Variants in EPHB4 observed in about 807,000 individuals in gnomAD.
The protein encoded by EPHB4 is ephrin type-B receptor 4.
Under a neutral mutation model 110.6 loss-of-function variants are expected in EPHB4, and 50 were observed. The ratio of observed to expected loss-of-function variants is 0.45; its 90% confidence interval spans 0.36 to 0.57. The LOEUF is 0.57. EPHB4 is among the 20% of genes least tolerant of loss of function. EPHB4 has a pLI of 0.00. For missense variants in EPHB4, 1,128 were observed against 1,382.1 expected, an observed-to-expected ratio of 0.82 and a Z score of 2.91; for synonymous variants, 592 against 578.4, an observed-to-expected ratio of 1.02 and a Z score of -0.34.
chr7:100,817,720 G>A (rs1172453875), intron 7 of EPHB4, among the ~76,000 whole-genome samples: 3 of 151,848 alleles, frequency 2.0e-5, no homozygotes, highest in South Asian at 2.1e-4. Context: ...GTAGAGACGG[G>A]GATTTCACCT....
At chr7:100,817,517 T>A (rs562811936) in intron 7 of EPHB4, among the ~76,000 whole-genome samples, 160 bp from the exon 8 acceptor site, 2 of 152,212 alleles carry the variant, frequency 1.3e-5, no homozygotes, top group Admixed American at 1.3e-4. Flanking sequence ...GCTGTATTCA[T>A]AATATCATTC....
At chr7:100,812,616 G>A in intron 12 of EPHB4, 131 bp downstream of exon 12, 1 of 1,304,162 alleles carries the variant, frequency 7.7e-7, no homozygotes, top group Non-Finnish European at 1.0e-6. Flanking sequence ...GAGGACCAGG[G>A]CTTAGCCCAA....
chr7:100,818,861 A>G (rs2116448368), intron 6 of EPHB4, among the ~76,000 whole-genome samples: 1 of 151,948 alleles, frequency 6.6e-6, no homozygotes, highest in Non-Finnish European at 1.5e-5. Context: ...ATGCCTGGCT[A>G]ATTTTTTTAT....
rs200688295 is a variant in EPHB4, at chr7:100,805,216, G to A, written c.2784C>T (p.Phe928=). Residue 928 remains phenylalanine (F), a synonymous_variant, in exon 16 of 17, where the codon TTC becomes TTT. Coordinates refer to ENST00000358173, the MANE Select transcript of EPHB4 (RefSeq NM_004444.5). The part of the protein sequence containing the change: ...AIKMGRYEES[F]AAAGFGSFEL... ...CGAAGGAGCCAAAGCCAGCGGCTGCGAAACTTTCTTCGTATCTTCCCATTT... is the reference window on the plus strand; with the variant it reads ...CGAAGGAGCCAAAGCCAGCGGCTGCAAAACTTTCTTCGTATCTTCCCATTT... 72 of 1,613,264 alleles carry A rather than the reference G, an allele frequency of 4.5e-5. No homozygotes were observed. In the African/African-American group the frequency reaches 6.5e-4, roughly 15 times the overall value.
intron 12 of EPHB4, among the ~76,000 whole-genome samples, chr7:100,807,832 T>C (rs1392080990): frequency 6.6e-6 from 1 of 152,184 alleles, no homozygotes; most frequent in Non-Finnish European, 1.5e-5. Flanking sequence ...TCCCACTATG[T>C]TGCCCAGGCT....
Position 100,822,732 on chromosome 7 carries a change from G to A in EPHB4, c.412-65C>T. ...CCCTGAGGACCCAGCGGACTGTTGT[G>A]TTCTTCCCAGCTCACCCTCCCGGAC... is the stretch of plus-strand genomic sequence containing the variant. On this transcript the variant is annotated intron_variant, in intron 3 of 16. Coordinates refer to ENST00000358173, the MANE Select transcript of EPHB4 (RefSeq NM_004444.5). This position sits in a 1 kb window ranked among gnomAD's most constrained non-coding sequence, Gnocchi z 4.7. The A allele has an allele frequency of 1.4e-6, 2 of 1,447,422 alleles. No individual in the cohort carries two copies. The highest frequency in any genetic ancestry group is 1.4e-5 in the African/African-American group (1 of 70,396). The allele number at this position is 1,447,422 out of a possible 1,614,324, so 89.7% of individuals were successfully genotyped here.
intron 8 of EPHB4, 152 bp downstream of exon 8, chr7:100,817,040 G>A: frequency 1.2e-6 from 1 of 853,462 alleles, no homozygotes. Context: ...CGGAGATGGT[G>A]CCACTGCACT....
intron 14 of EPHB4, 147 bp downstream of exon 14, chr7:100,806,273 C>G (rs1161838890): frequency 2.3e-5 from 24 of 1,058,708 alleles, no homozygotes; most frequent in Non-Finnish European, 3.9e-6. Context: ...TATCTCAACT[C>G]TTTGATACAA....
chr7:100,819,299 G>GAGA (rs57192333), intron 6 of EPHB4, among the ~76,000 whole-genome samples: 85,656 of 151,554 alleles, frequency 0.57, 24,689 homozygotes, highest in Middle Eastern at 0.74. Flanking sequence ...TTTTTGTAGA[G>GAGA]AGATCTTCCT....
intron 12 of EPHB4, among the ~76,000 whole-genome samples, chr7:100,812,329 C>A (rs1329404231): frequency 6.6e-6 from 1 of 151,128 alleles, no homozygotes; most frequent in Non-Finnish European, 1.5e-5. Context: ...GTGCCTCACA[C>A]CTGTAATACC....
rs1813269384 is a variant in EPHB4, at chr7:100,822,760, C to A, written c.412-93G>T. On this transcript the variant is annotated intron_variant, in intron 3 of 16. Transcript: ENST00000358173. This position sits in a 1 kb window ranked among gnomAD's most constrained non-coding sequence, Gnocchi z 4.7. ...CTTCCCAGCTCACCCTCCCGGACCT[C>A]CTTGGTTCCCGTTCCAGAATCTTCC... 7.0e-7 allele frequency: 1 copy of A among 1,427,166 alleles called. No individual in the cohort carries two copies. The highest frequency in any genetic ancestry group is 1.5e-5 in the South Asian group (1 of 66,948). 88.4% of individuals were successfully genotyped at this position (1,427,166 alleles called of 1,614,324 possible). A position where few individuals can be genotyped will look rare whatever the true frequency, so the allele number is the denominator to read the frequency against.
At position 100,807,501 on chromosome 7, in the gene EPHB4, T is replaced by C; in HGVS notation, c.2198A>G (p.Glu733Gly). 6.2e-7 allele frequency: 1 copy of C among 1,612,238 alleles called. No individual in the cohort carries two copies. The highest frequency in any genetic ancestry group is 8.5e-7 in the Non-Finnish European group (1 of 1,179,382). ...GIASGMRYLA[E>G]MSYVHRDLAA... ...CAGGTCTCGGTGGACGTAGCTCATC[T>C]CGGCAAGGTACCGCATGCCCGAGGC... Residue 733 changes from glutamate (E) to glycine (G), a missense_variant, in exon 13 of 17, where the codon GAG becomes GGG. Physicochemically the swap from Glu to Gly is moderately conservative, Grantham distance 98. Around this residue, in one of 3 missense-constraint regions of EPHB4, gnomAD observed 191 missense variants for 313.0 expected, o/e 0.61. Coordinates refer to ENST00000358173, the MANE Select transcript of EPHB4 (RefSeq NM_004444.5).
At chr7:100,819,418 C>T in intron 6 of EPHB4, 139 bp downstream of exon 6, 1 of 986,170 alleles carries the variant, frequency 1.0e-6, no homozygotes, top group East Asian at 2.5e-5. Flanking sequence ...CCATTGCCCT[C>T]TTTCTGCCTC....
chr7:100,812,648 G>A, intron 12 of EPHB4, 99 bp downstream of exon 12: 1 of 1,484,890 alleles, frequency 6.7e-7, no homozygotes, highest in South Asian at 1.3e-5. Context: ...TGGAGGAGGT[G>A]ACCTGGGACC....
intron 12 of EPHB4, among the ~76,000 whole-genome samples, chr7:100,810,699 G>C (rs1812909615): frequency 6.6e-6 from 1 of 152,044 alleles, no homozygotes; most frequent in Non-Finnish European, 1.5e-5. Flanking sequence ...AGCTATGATT[G>C]CACCACTGCA....
intron 14 of EPHB4, 137 bp from the exon 15 acceptor site, chr7:100,805,831 C>T: frequency 2.3e-6 from 2 of 860,752 alleles, no homozygotes; most frequent in Non-Finnish European, 3.2e-6. Context: ...CAGGAATCCT[C>T]CTAGCCGGAG....
Position 100,827,123 on chromosome 7 carries a change from T to A in EPHB4, c.-93A>T. 1 of 1,385,618 alleles carries A rather than the reference T, an allele frequency of 7.2e-7. No homozygotes were observed. Among genetic ancestry groups the A allele is most frequent in the Non-Finnish European group, 9.8e-7 (1 of 1,018,694 alleles). The allele number at this position is 1,385,618 out of a possible 1,614,324, so 85.8% of individuals were successfully genotyped here. A position where few individuals can be genotyped will look rare whatever the true frequency, so the allele number is the denominator to read the frequency against. The stretch of plus-strand genomic sequence containing the variant: ...TCCCTGGGCGGGTGGACGCCGATAC[T>A]CCGCGCGGGACTCCTCGTCGGGGCC... On this transcript the variant is annotated 5_prime_UTR_variant, in exon 1 of 17. Coordinates refer to ENST00000358173, the MANE Select transcript of EPHB4 (RefSeq NM_004444.5).
At chr7:100,820,389 G>A in intron 4 of EPHB4, 93 bp from the exon 5 acceptor site, 1 of 1,460,158 alleles carries the variant, frequency 6.8e-7, no homozygotes, top group Non-Finnish European at 9.1e-7. Context: ...CCAGCACTTT[G>A]GGAGGCTGAG....
chr7:100,806,851 G>A (rs1294105589), intron 13 of EPHB4, among the ~76,000 whole-genome samples: 1 of 151,980 alleles, frequency 6.6e-6, no homozygotes, highest in Non-Finnish European at 1.5e-5. Context: ...TGTATTTTTA[G>A]TAGCGACAGG....
Sources: allele counts gnomAD v4.1 joint callset (sites outside exome capture counted in the v4.1 genomes callset), GRCh38; gene constraint gnomAD v4.1.1; regional missense constraint gnomAD v4.1.1; non-coding constraint Gnocchi (gnomAD v3.1); transcripts MANE v1.5; gene names NCBI Gene and HGNC (gene_info 2026-07-23, HGNC 2026-07-21).